GGT7: variants seen among roughly 807,000 people sequenced by gnomAD.
GGT7 encodes the protein glutathione hydrolase 7.
GGT7 carries 30 observed loss-of-function variants against 69.2 expected under a neutral mutation model. The ratio of observed to expected loss-of-function variants is 0.43; its 90% CI spans 0.32 to 0.59. The LOEUF (loss-of-function observed/expected upper bound fraction) is 0.59. Ranked by LOEUF, GGT7 falls within the 20% of genes least tolerant of loss-of-function variation. The probability of loss-of-function intolerance (pLI) is 0.05; values close to 1 mark genes in which losing one functional copy is unlikely to be tolerated. For synonymous variants in GGT7, 388 were observed against 391.8 expected, an observed-to-expected ratio of 0.99 and a Z score of 0.12; for missense variants, 733 against 901.1, an observed-to-expected ratio of 0.81 and a Z score of 2.39.
At chr20:34,872,535 A>G in intron 1 of GGT7, 112 bp downstream of exon 1, 1 of 728,688 alleles carries the variant, frequency 1.4e-6, no homozygotes, top group Non-Finnish European at 2.0e-6. Flanking sequence ...GGAGAGATCC[A>G]AGAAGATGGG....
intron 14 of GGT7, among the ~76,000 whole-genome samples, 162 bp downstream of exon 14, chr20:34,849,799 T>G (rs944310222): frequency 1.3e-5 from 2 of 152,240 alleles, no homozygotes; most frequent in African/African-American, 4.8e-5. Flanking sequence ...ATGGCAAGAC[T>G]GGTTCCAATC....
chr20:34,863,379 G>C lies in GGT7; in HGVS notation c.339C>G (p.Ala113=), dbSNP rs996271610. ...RQDGLTVIVT[A]CLTFATGVTV... ...TGACACCGGTAGCGAAGGTGAGACA[G>C]GCCGTGACGATGACCGTGAGCCCAT... is the stretch of plus-strand genomic sequence containing the variant. The change falls in exon 2 of 15, where the codon GCC becomes GCG. Residue 113 remains alanine, a synonymous_variant. Coordinates refer to ENST00000336431, the MANE Select transcript of GGT7 (RefSeq NM_178026.3). The surrounding 1 kb of genome is among the most constrained non-coding windows in gnomAD (Gnocchi z 4.4). 9 of 1,613,952 alleles carry C rather than the reference G, an allele frequency of 5.6e-6. No homozygotes were observed. Among genetic ancestry groups the C allele is most frequent in the Admixed American group, 3.3e-5 (2 of 60,010 alleles).
At chr20:34,869,705 G>A (rs140159915) in intron 1 of GGT7, among the ~76,000 whole-genome samples, 1 of 152,332 alleles carries the variant, frequency 6.6e-6, no homozygotes, top group Non-Finnish European at 1.5e-5. Flanking sequence ...TTGGAAATGA[G>A]AAGAAAAGGA....
At chr20:34,856,169 T>C in intron 8 of GGT7, among the ~76,000 whole-genome samples, 1 of 152,144 alleles carries the variant, frequency 6.6e-6, no homozygotes, top group East Asian at 1.9e-4. Flanking sequence ...CCTGGAAAGT[T>C]GAACTCAGAG....
At chr20:34,859,873 G>T in intron 6 of GGT7, 96 bp downstream of exon 6, 1 of 957,896 alleles carries the variant, frequency 1.0e-6, no homozygotes, top group Non-Finnish European at 1.6e-6. Flanking sequence ...GAGCAAACTG[G>T]AAGAGAGGGC....
chr20:34,853,112 G>A (rs997140095), intron 10 of GGT7, among the ~76,000 whole-genome samples: 2 of 152,038 alleles, frequency 1.3e-5, no homozygotes, highest in African/African-American at 4.8e-5. Context: ...ACCACACCTA[G>A]CTAATTTTTT....
At chr20:34,862,677 T>G in intron 3 of GGT7, 137 bp downstream of exon 3, 1 of 832,984 alleles carries the variant, frequency 1.2e-6, no homozygotes, top group Admixed American at 1.9e-5. Context: ...GGGGGTGAAA[T>G]TTGGTGTAGA....
chr20:34,845,126 A>ACCCCCCCCCCCCCCCCCCCCCCCCCCC lies in GGT7; in HGVS notation c.*201_*202insGGGGGGGGGGGGGGGGGGGGGGGGGGG. The ACCCCCCCCCCCCCCCCCCCCCCCCCCC allele has an allele frequency of 2.8e-6, 1 of 359,886 alleles. No homozygotes were observed. The highest frequency in any genetic ancestry group is 4.1e-5 in the Admixed American group (1 of 24,504). 22.3% of individuals were successfully genotyped at this position (359,886 alleles called of 1,614,324 possible). A position where few individuals can be genotyped will look rare whatever the true frequency, so the allele number is the denominator to read the frequency against. ...GATGCTGACACTCACCACCACCACC[A>ACCCCCCCCCCCCCCCCCCCCCCCCCCC]CCACCACCACCACCACCACCACCAC... On this transcript the variant is annotated 3_prime_UTR_variant, in exon 15 of 15. Transcript: ENST00000336431.
At position 34,863,728 on chromosome 20, in the gene GGT7, C is replaced by T. The variant is rs776013280; in HGVS notation, c.170-180G>A. 24 of 717,558 alleles carry T rather than the reference C, an allele frequency of 3.3e-5. No individual in the cohort carries two copies. Among genetic ancestry groups the T allele is most frequent in the South Asian group, 3.3e-4 (22 of 66,780 alleles). The allele number at this position is 717,558 out of a possible 1,614,324, so 44.4% of individuals were successfully genotyped here. ...CCAGGACAGGCGGGGCAACGGTGCC[C>T]GGCTAGGAAGAGACAGGGACCTCCC... On this transcript the variant is annotated intron_variant, in intron 1 of 14. Transcript: ENST00000336431. This position sits in a 1 kb window ranked among gnomAD's most constrained non-coding sequence, Gnocchi z 4.4.
At chr20:34,854,954 G>T (rs761214079) in intron 8 of GGT7, 31 bp from the exon 9 acceptor site, 3 of 1,609,830 alleles carry the variant, frequency 1.9e-6, no homozygotes, top group Non-Finnish European at 2.5e-6. Context: ...TGATGGCAGG[G>T]TAGGGGTCAA....
intron 13 of GGT7, chr20:34,850,964 C>T (rs747011336): frequency 4.0e-5 from 27 of 675,422 alleles, no homozygotes; most frequent in Non-Finnish European, 7.1e-5. Flanking sequence ...ACCCAGGCCA[C>T]CCAGATGCTA....
At chr20:34,851,682 C>T (rs2079396436) in intron 12 of GGT7, among the ~76,000 whole-genome samples, 1 of 152,168 alleles carries the variant, frequency 6.6e-6, no homozygotes, top group African/African-American at 2.4e-5. Flanking sequence ...CTGATCATCT[C>T]TATGTGTCTT....
intron 1 of GGT7, among the ~76,000 whole-genome samples, chr20:34,870,421 T>C (rs767902997): frequency 2.0e-5 from 3 of 152,226 alleles, no homozygotes; most frequent in Non-Finnish European, 4.4e-5. Flanking sequence ...TTCTCTCTCA[T>C]GCATTTATTC....
intron 8 of GGT7, among the ~76,000 whole-genome samples, chr20:34,855,814 T>TTTGTGTGTGTGTGTGA (rs1555874529): frequency 6.9e-6 from 1 of 144,518 alleles, no homozygotes; most frequent in African/African-American, 2.7e-5. Context: ...TGTGTGTGTG[T>TTTGTGTGTGTGTGTGA]GATAATGGTC....
rs767123266 is a variant in GGT7 at position 34,859,627 on chromosome 20, G to A, written c.830C>T (p.Ala277Val). Residue 277 changes from alanine (A) to valine (V), a missense_variant, in exon 7 of 15, where the codon GCT becomes GTT. Physicochemically the swap from Ala to Val is moderately conservative, Grantham distance 64. Transcript: ENST00000336431. ...NVTHDLARAL[A>V]EQLPPNMSER... ...GGACATGTTGGGTGGCAGCTGTTCAGCCAGGGCACGGGCTAGGGGCAGGGA... is the reference window on the plus strand; with the variant it reads ...GGACATGTTGGGTGGCAGCTGTTCAACCAGGGCACGGGCTAGGGGCAGGGA... 11 of 1,596,470 alleles carry A rather than the reference G, an allele frequency of 6.9e-6. No homozygotes were observed. The highest frequency in any genetic ancestry group is 1.3e-5 in the African/African-American group (1 of 74,762).
chr20:34,859,656 G>C lies in GGT7; in HGVS notation c.818-17C>G. 1.3e-6 allele frequency: 2 copies of C among 1,571,054 alleles called. No individual in the cohort carries two copies. The highest frequency in any genetic ancestry group is 1.3e-5 in the African/African-American group (1 of 74,446). Reference sequence around the variant, plus strand: ...GGGCACGGGCTAGGGGCAGGGACGGGAGGCTGGGCAGGGCGGGACGCCAGG... The same window carrying C: ...GGGCACGGGCTAGGGGCAGGGACGGCAGGCTGGGCAGGGCGGGACGCCAGG... On this transcript the variant is annotated splice_polypyrimidine_tract_variant and intron_variant, in intron 6 of 14. Coordinates refer to ENST00000336431, the MANE Select transcript of GGT7 (RefSeq NM_178026.3).
In GGT7 at chr20:34,859,594, A is replaced by C; in HGVS notation, c.863T>G (p.Phe288Cys). The stretch of plus-strand genomic sequence containing the variant: ...GCCCGATGGCAGGAACGTCTCCCGG[A>C]AGCGCTCGGACATGTTGGGTGGCAG... ...EQLPPNMSER[F>C]RETFLPSGRP... is the part of the protein sequence containing the mutation. The change falls in exon 7 of 15, where the codon TTC (phenylalanine) becomes TGC (cysteine). Residue 288 changes from phenylalanine (F) to cysteine (C), a missense_variant. By Grantham distance (205) the Phe-to-Cys change is radical. Transcript: ENST00000336431. 1 of 1,602,916 alleles carries C rather than the reference A, an allele frequency of 6.2e-7. No homozygotes were observed. Among genetic ancestry groups the C allele is most frequent in the Non-Finnish European group, 8.5e-7 (1 of 1,174,940 alleles).
At chr20:34,865,646 G>A (rs2079678041) in intron 1 of GGT7, among the ~76,000 whole-genome samples, 1 of 152,204 alleles carries the variant, frequency 6.6e-6, no homozygotes, top group South Asian at 2.1e-4. Flanking sequence ...TTCTAGTAAT[G>A]GAACTAATCC....
At chr20:34,849,161 CTTTT>C (rs750114916) in intron 14 of GGT7, among the ~76,000 whole-genome samples, 1 of 138,400 alleles carries the variant, frequency 7.2e-6, no homozygotes. Flanking sequence ...CTCTCTCTTA[CTTTT>C]TTTTTTTTTT....
Sources: gnomAD v4.1 joint callset for allele counts (sites outside exome capture counted in the v4.1 genomes callset) on GRCh38, gnomAD v4.1.1 for gene constraint, Gnocchi (gnomAD v3.1) non-coding constraint, MANE v1.5 for transcripts, NCBI Gene and HGNC (gene_info 2026-07-23, HGNC 2026-07-21) for gene names.